FBN2: variants seen among roughly 807,000 people sequenced by gnomAD.
The protein encoded by FBN2 is fibrillin 2, also known as fibrillin-2.
FBN2 carries 105 observed loss-of-function variants against 355.6 expected under a neutral mutation model. The ratio of observed to expected loss-of-function variants is 0.30; its 90% confidence interval spans 0.25 to 0.35. The LOEUF is 0.35. Ranked by LOEUF, FBN2 falls within the 10% of genes least tolerant of loss-of-function variation. The pLI is 1.00. For synonymous variants in FBN2, 1,350 were observed against 1,301.2 expected (o/e 1.04, Z -0.81); for missense variants, 3,280 against 3,758.7 (o/e 0.87, Z 3.33).
At chr5:128,401,454 A>T (rs575050265) in intron 8 of FBN2, among the ~76,000 whole-genome samples, 1 of 152,180 alleles carries the variant, frequency 6.6e-6, no homozygotes, top group African/African-American at 2.4e-5. Context: ...TCTGAAGTAC[A>T]TTTTTTATGT....
intron 33 of FBN2, 147 bp from the exon 34 acceptor site, chr5:128,328,968 G>A (rs779280768): frequency 3.4e-5 from 27 of 797,910 alleles, no homozygotes; most frequent in Non-Finnish European, 5.7e-5. Flanking sequence ...TTAAAGGAGG[G>A]TATCAACCTG....
rs1349422179 is a variant in FBN2 at position 128,466,017 on chromosome 5, A to G, written c.629-1096T>C. Among the ~76,000 whole-genome samples the G allele has an allele frequency of 2.6e-5, 4 of 152,332 alleles. No individual in the cohort carries two copies. In the East Asian group the frequency reaches 7.7e-4, roughly 29 times the overall value. ...AGTTAGCCCTGGGTATTTCTGCTCT[A>G]TCCTGCTTTCTTCTGTGATTTACTT... On this transcript the variant is annotated intron_variant, in intron 5 of 64. Transcript: ENST00000262464.
chr5:128,504,498 A>G (rs945719247), intron 5 of FBN2, among the ~76,000 whole-genome samples: 12 of 152,208 alleles, frequency 7.9e-5, no homozygotes, highest in Non-Finnish European at 1.8e-4. Flanking sequence ...CTCTTGCTTC[A>G]GCATGACCTG....
rs183061865 is a variant in FBN2, at chr5:128,464,160, T to C, written c.826+564A>G. ...TCAGGGCCCTGATCTGGCCCTAATATAGAAATCAGTGTCATGAATGCAGTT... is the reference window on the plus strand; with the variant it reads ...TCAGGGCCCTGATCTGGCCCTAATACAGAAATCAGTGTCATGAATGCAGTT... On this transcript the variant is annotated intron_variant, in intron 6 of 64. Coordinates refer to ENST00000262464, the MANE Select transcript of FBN2 (RefSeq NM_001999.4). 3.1e-3 allele frequency among the ~76,000 whole-genome samples: 476 copies of C among 152,286 alleles called. 1 individual carries two copies. Among genetic ancestry groups the C allele is most frequent in the African/African-American group, 4.4e-3 (184 of 41,558 alleles).
intron 48 of FBN2, among the ~76,000 whole-genome samples, chr5:128,297,940 T>C (rs1466571447): frequency 1.3e-5 from 2 of 152,086 alleles, no homozygotes; most frequent in South Asian, 2.1e-4. Context: ...CTCGATGGTC[T>C]TTACATTTTG....
rs32219 is a variant in FBN2 at position 128,353,934 on chromosome 5, C to T, written c.2675-2929G>A. On this transcript the variant is annotated intron_variant, in intron 20 of 64. Transcript: ENST00000262464. ...AGCTACAAATCCATTGATAGCACCC[C>T]GCACCCCCCTACAGGCTCATCCTTC... 9.1e-4 allele frequency among the ~76,000 whole-genome samples: 138 copies of T among 152,184 alleles called. 2 individuals carry two copies. In the East Asian group the frequency reaches 0.024, roughly 27 times the overall value.
At chr5:128,342,453 G>A (rs1024146494) in intron 25 of FBN2, among the ~76,000 whole-genome samples, 5 of 152,102 alleles carry the variant, frequency 3.3e-5, no homozygotes, top group Admixed American at 6.5e-5. Context: ...CAGGACAAAT[G>A]GCTGGTTGAA....
intron 2 of FBN2, among the ~76,000 whole-genome samples, chr5:128,532,783 T>C (rs905559563): frequency 6.6e-6 from 1 of 152,240 alleles, no homozygotes; most frequent in East Asian, 1.9e-4. Context: ...TGGTGGCTCA[T>C]GTCTGTAATC....
At chr5:128,430,493 T>C (rs968929859) in intron 7 of FBN2, among the ~76,000 whole-genome samples, 9 of 152,206 alleles carry the variant, frequency 5.9e-5, no homozygotes, top group African/African-American at 2.2e-4. Flanking sequence ...AACCTATTTA[T>C]GTCTAAGCCT....
chr5:128,290,526 G>C (rs971856007), intron 50 of FBN2, among the ~76,000 whole-genome samples: 1 of 152,184 alleles, frequency 6.6e-6, no homozygotes, highest in Non-Finnish European at 1.5e-5. Flanking sequence ...TGAAATAAAA[G>C]GGTAACTCCA....
chr5:128,335,621 T>C (rs1750815035), intron 28 of FBN2, 44 bp from the exon 29 acceptor site: 1 of 1,612,478 alleles, frequency 6.2e-7, no homozygotes, highest in East Asian at 2.2e-5. Context: ...TCTGCTTCCT[T>C]AAAAGGAGTT....
chr5:128,261,662 CGACG>C (rs1561735032), intron 64 of FBN2, 70 bp downstream of exon 64: 2 of 1,399,340 alleles, frequency 1.4e-6, no homozygotes, highest in African/African-American at 1.4e-5. Flanking sequence ...AGGCTGAAAA[CGACG>C]TGAACTGCAC....
intron 16 of FBN2, among the ~76,000 whole-genome samples, chr5:128,368,944 C>T (rs1016886614): frequency 6.6e-6 from 1 of 151,946 alleles, no homozygotes. Context: ...TGAGCCACCA[C>T]AATCAGCCAG....
chr5:128,403,223 C>T (rs1282043532), intron 8 of FBN2, among the ~76,000 whole-genome samples: 2 of 151,968 alleles, frequency 1.3e-5, no homozygotes, highest in Admixed American at 1.3e-4. Context: ...GTCATCACTT[C>T]TGCCTCAAAC....
chr5:128,356,180 C>T (rs1484235849), intron 20 of FBN2, among the ~76,000 whole-genome samples: 1 of 151,842 alleles, frequency 6.6e-6, no homozygotes, highest in African/African-American at 2.4e-5. Flanking sequence ...AAAAGTAATG[C>T]CCCAGGCAGA....
chr5:128,437,713 A>C (rs1315185623), intron 7 of FBN2, among the ~76,000 whole-genome samples: 2 of 151,964 alleles, frequency 1.3e-5, no homozygotes, highest in African/African-American at 4.8e-5. Flanking sequence ...AGAAAAGGGG[A>C]GCACCACATA....
chr5:128,318,591 T>C (rs1251392318), intron 35 of FBN2, among the ~76,000 whole-genome samples: 2 of 151,674 alleles, frequency 1.3e-5, no homozygotes, highest in African/African-American at 4.8e-5. Flanking sequence ...TATATATATA[T>C]ACATGTACTA....
intron 7 of FBN2, among the ~76,000 whole-genome samples, chr5:128,429,669 T>C (rs1381304480): frequency 6.6e-6 from 1 of 152,218 alleles, no homozygotes; most frequent in African/African-American, 2.4e-5. Context: ...TTAAAATGTA[T>C]AATCAAATTT....
At chr5:128,520,085 C>T (rs544744461) in intron 4 of FBN2, among the ~76,000 whole-genome samples, 1 of 152,252 alleles carries the variant, frequency 6.6e-6, no homozygotes, top group East Asian at 1.9e-4. Context: ...CAAATGTTTC[C>T]AAAGTCATGC....
Sources: allele counts gnomAD v4.1 joint callset (sites outside exome capture counted in the v4.1 genomes callset), GRCh38; gene constraint gnomAD v4.1.1; transcripts MANE v1.5; gene names NCBI Gene and HGNC (gene_info 2026-07-23, HGNC 2026-07-21).